SNX14: variants seen among roughly 807,000 people sequenced by gnomAD.
The protein encoded by SNX14 is sorting nexin-14.
A neutral mutation model predicts 133.8 loss-of-function variants in SNX14; 93 were observed. The ratio of observed to expected loss-of-function variants is 0.70; its 90% CI spans 0.59 to 0.83. The LOEUF (loss-of-function observed/expected upper bound fraction) is 0.83. SNX14 is among the 40% of genes least tolerant of loss of function. The pLI, the probability that SNX14 is intolerant of heterozygous loss-of-function variation, is 0.00. For synonymous variants in SNX14, 368 were observed against 365.6 expected (o/e 1.01, Z -0.07); for missense variants, 945 against 1,094.9 (o/e 0.86, Z 1.93).
intron 26 of SNX14, among the ~76,000 whole-genome samples, chr6:85,511,419 T>G (rs903303529): frequency 6.6e-6 from 1 of 152,222 alleles, no homozygotes; most frequent in Non-Finnish European, 1.5e-5. Context: ...TTTCTTGTCT[T>G]ACTGCACTAA....
chr6:85,558,843 C>A (rs1790597166), intron 6 of SNX14, among the ~76,000 whole-genome samples: 1 of 151,740 alleles, frequency 6.6e-6, no homozygotes, highest in African/African-American at 2.4e-5. Context: ...TCATTCCCCA[C>A]CAAGATTTTT....
chr6:85,574,734 G>A (rs1796775115), intron 1 of SNX14, among the ~76,000 whole-genome samples: 1 of 152,056 alleles, frequency 6.6e-6, no homozygotes, highest in African/African-American at 2.4e-5. Context: ...ATTTTACTAA[G>A]TACCTATTTT....
In SNX14 at chr6:85,507,166, C is replaced by A. The variant is rs550255741; in HGVS notation, c.2802+67G>T. 116 of 1,328,058 alleles carry A rather than the reference C, an allele frequency of 8.7e-5. 1 individual carries two copies. The African/African-American group carries it at 1.5e-3, about 17-fold the overall frequency. 82.3% of individuals were successfully genotyped at this position (1,328,058 alleles called of 1,614,324 possible). A position where few individuals can be genotyped will look rare whatever the true frequency, so the allele number is the denominator to read the frequency against. On this transcript the variant is annotated intron_variant, in intron 28 of 28. Transcript: ENST00000314673. ...ACAAGGGTTTTCTTACATTTATGTC[C>A]CTAATTAAAATAAATGTCAGCATAC...
At chr6:85,592,683 C>T (rs1400610623) in intron 1 of SNX14, among the ~76,000 whole-genome samples, 3 of 151,960 alleles carry the variant, frequency 2.0e-5, no homozygotes, top group Admixed American at 6.6e-5. Flanking sequence ...GGCATCAAGT[C>T]CTCTTAAGAA....
intron 6 of SNX14, among the ~76,000 whole-genome samples, chr6:85,558,563 G>A (rs1366364155): frequency 6.6e-6 from 1 of 152,140 alleles, no homozygotes; most frequent in Non-Finnish European, 1.5e-5. Flanking sequence ...CCGGGCTCAG[G>A]TGATTCTCCC....
intron 1 of SNX14, among the ~76,000 whole-genome samples, chr6:85,583,102 C>A (rs372337147): frequency 3.9e-5 from 6 of 152,188 alleles, no homozygotes; most frequent in African/African-American, 1.4e-4. Context: ...GCTGGTTCAA[C>A]ATACACAAAT....
intron 6 of SNX14, among the ~76,000 whole-genome samples, chr6:85,559,685 G>A (rs1263556254): frequency 6.6e-6 from 1 of 152,094 alleles, no homozygotes; most frequent in Admixed American, 6.6e-5. Context: ...TATCTTCCAG[G>A]ATAGTGACGC....
At chr6:85,562,582 CTTTTTTTT>C (rs201175458) in intron 6 of SNX14, among the ~76,000 whole-genome samples, 14 of 94,854 alleles carry the variant, frequency 1.5e-4, no homozygotes, top group South Asian at 1.0e-3. Flanking sequence ...ACTTTTTGGG[CTTTTTTTT>C]TTTTTTTTTT....
intron 7 of SNX14, among the ~76,000 whole-genome samples, chr6:85,550,219 T>A (rs1044829927): frequency 2.0e-5 from 3 of 152,116 alleles, no homozygotes; most frequent in Admixed American, 2.0e-4. Flanking sequence ...CCCAAAAAAA[T>A]ATGTAACGAA....
At chr6:85,533,104 C>G (rs1289338542) in intron 18 of SNX14, among the ~76,000 whole-genome samples, 3 of 152,160 alleles carry the variant, frequency 2.0e-5, no homozygotes, top group African/African-American at 7.2e-5. Flanking sequence ...CCAGGCGGGT[C>G]TCAAACTCCT....
At position 85,543,675 on chromosome 6, in the gene SNX14, T is replaced by C; in HGVS notation, c.1194A>G (p.Lys398=). 1 of 1,587,476 alleles carries C rather than the reference T, an allele frequency of 6.3e-7. No homozygotes were observed. The highest frequency in any genetic ancestry group is 8.6e-7 in the Non-Finnish European group (1 of 1,165,118). The change falls in exon 13 of 29, where the codon AAA becomes AAG. Residue 398 remains lysine (K), a synonymous_variant. Coordinates refer to ENST00000314673, the MANE Select transcript of SNX14 (RefSeq NM_153816.6). The part of the protein sequence containing the change: ...SLHEELQKIY[K]TYCLDESIDK... ...CAATACTTTCATCCAAACAGTATGT[T>C]TTATAAATCTTCTGCAATTCTTCAT...
At chr6:85,562,063 A>G (rs1456405114) in intron 6 of SNX14, among the ~76,000 whole-genome samples, 1 of 152,066 alleles carries the variant, frequency 6.6e-6, no homozygotes, top group African/African-American at 2.4e-5. Flanking sequence ...CGTGTACCCA[A>G]TGTTTAGCTC....
At chr6:85,590,592 C>T (rs1802479149) in intron 1 of SNX14, among the ~76,000 whole-genome samples, 1 of 152,138 alleles carries the variant, frequency 6.6e-6, no homozygotes, top group African/African-American at 2.4e-5. Context: ...ATTTTTTAAG[C>T]CAGATCTCTT....
intron 2 of SNX14, among the ~76,000 whole-genome samples, chr6:85,572,999 G>C (rs1339466283): frequency 6.6e-6 from 1 of 152,080 alleles, no homozygotes; most frequent in Non-Finnish European, 1.5e-5. Context: ...TACTGCAAAG[G>C]CATAATAAGA....
rs1031004948 is a variant in SNX14 at position 85,530,703 on chromosome 6, A to G, written c.1811-428T>C. On this transcript the variant is annotated intron_variant, in intron 18 of 28. Transcript: ENST00000314673. The stretch of plus-strand genomic sequence containing the variant: ...AATACAAAGCTGGACATTATTCCAC[A>G]GTTGTAATTTGTTATTTTTGGCATA... Among the ~76,000 whole-genome samples the G allele has an allele frequency of 3.9e-5, 6 of 152,210 alleles. No homozygotes were observed. In the East Asian group the frequency reaches 9.6e-4, roughly 24 times the overall value.
At chr6:85,525,991 C>A in intron 21 of SNX14, 135 bp downstream of exon 21, 2 of 513,536 alleles carry the variant, frequency 3.9e-6, no homozygotes, top group South Asian at 6.7e-5. Flanking sequence ...CAGCATCTGA[C>A]AATTTATCTC....
At chr6:85,508,112 A>G in intron 26 of SNX14, 53 bp from the exon 27 acceptor site, 1 of 1,563,446 alleles carries the variant, frequency 6.4e-7, no homozygotes, top group Non-Finnish European at 8.7e-7. Flanking sequence ...GTGACTCACC[A>G]TTAACTGGAT....
intron 27 of SNX14, 35 bp downstream of exon 27, chr6:85,507,933 G>T: frequency 6.3e-7 from 1 of 1,577,346 alleles, no homozygotes; most frequent in Non-Finnish European, 8.7e-7. Flanking sequence ...ACCAAACCTA[G>T]CCAGCATGAG....
chr6:85,592,799 C>A (rs1219670588), intron 1 of SNX14, among the ~76,000 whole-genome samples: 1 of 146,664 alleles, frequency 6.8e-6, no homozygotes, highest in Non-Finnish European at 1.5e-5. Context: ...ACCATCCTGG[C>A]TAAAACGGTG....
Sources: gnomAD v4.1 joint callset for allele counts (sites outside exome capture counted in the v4.1 genomes callset) on GRCh38, gnomAD v4.1.1 for gene constraint, MANE v1.5 for transcripts, NCBI Gene and HGNC (gene_info 2026-07-23, HGNC 2026-07-21) for gene names.